The following CIMIP6 variants were observed in gnomAD, a reference collection of about 807,000 sequenced individuals.
CIMIP6 encodes the protein ciliary microtubule inner protein 6.
the CIMIP6 span, among the ~76,000 whole-genome samples, chr2:54,382,268 A>C: frequency 6.6e-6 from 1 of 152,228 alleles, no homozygotes; most frequent in Non-Finnish European, 1.5e-5. Flanking sequence ...AAGAGTAAAT[A>C]TTCAAGAGAA....
the CIMIP6 span, among the ~76,000 whole-genome samples, chr2:54,366,931 C>A: frequency 6.6e-6 from 1 of 152,034 alleles, no homozygotes; most frequent in Non-Finnish European, 1.5e-5. Context: ...TCCAAAACCT[C>A]TGAAGTAGAT....
the CIMIP6 span, chr2:54,360,840 T>G: frequency 2.4e-5 from 6 of 247,522 alleles, no homozygotes; most frequent in Admixed American, 1.6e-4. Flanking sequence ...TATAATACTT[T>G]TAGAAGAGAG....
At chr2:54,364,399 G>A in the CIMIP6 span, among the ~76,000 whole-genome samples, 6 of 152,242 alleles carry the variant, frequency 3.9e-5, no homozygotes, top group African/African-American at 1.4e-4. Context: ...TTTAATGAAG[G>A]TGCTAATGGT....
chr2:54,344,353 A>C, the CIMIP6 span, among the ~76,000 whole-genome samples: 5 of 152,238 alleles, frequency 3.3e-5, no homozygotes, highest in African/African-American at 7.2e-5. Flanking sequence ...GTAGCAAAGC[A>C]ATAAACTCTT....
the CIMIP6 span, chr2:54,343,748 T>G: frequency 6.2e-7 from 1 of 1,609,440 alleles, no homozygotes; most frequent in Admixed American, 1.7e-5. Flanking sequence ...GGTAAAGCAC[T>G]GGAACCTGTC....
chr2:54,337,016 C>A, the CIMIP6 span, among the ~76,000 whole-genome samples: 1 of 152,140 alleles, frequency 6.6e-6, no homozygotes, highest in Non-Finnish European at 1.5e-5. Flanking sequence ...AGATGGGATT[C>A]AAAATATGTC....
At chr2:54,337,159 CTGTG>C in the CIMIP6 span, among the ~76,000 whole-genome samples, 40 of 152,290 alleles carry the variant, frequency 2.6e-4, no homozygotes, top group African/African-American at 9.4e-4. Context: ...CCTCATCTCT[CTGTG>C]TGTTAGGTAT....
At chr2:54,376,627 G>T in the CIMIP6 span, among the ~76,000 whole-genome samples, 2 of 152,158 alleles carry the variant, frequency 1.3e-5, no homozygotes, top group Non-Finnish European at 2.9e-5. Flanking sequence ...AGTCACCCAG[G>T]ATAACGCACT....
the CIMIP6 span, among the ~76,000 whole-genome samples, chr2:54,346,912 C>G: frequency 2.6e-5 from 4 of 152,328 alleles, no homozygotes; most frequent in South Asian, 6.2e-4. Context: ...ATGGCCTACA[C>G]GGCCCTTTTT....
the CIMIP6 span, chr2:54,344,002 A>C: frequency 1.2e-6 from 1 of 836,408 alleles, no homozygotes; most frequent in South Asian, 2.7e-5. Flanking sequence ...ATACACACAC[A>C]GCAAATACAG....
the CIMIP6 span, among the ~76,000 whole-genome samples, chr2:54,368,400 T>G: frequency 2.6e-5 from 4 of 152,264 alleles, no homozygotes; most frequent in Non-Finnish European, 1.5e-5. Context: ...GGAAAAGCCC[T>G]GTCAGATGTC....
chr2:54,346,847 T>C, the CIMIP6 span, among the ~76,000 whole-genome samples: 2 of 152,250 alleles, frequency 1.3e-5, no homozygotes, highest in South Asian at 2.1e-4. Flanking sequence ...TTCTCCTCCT[T>C]TAGATTCTCC....
chr2:54,332,624 G>A, the CIMIP6 span, among the ~76,000 whole-genome samples: 1 of 152,154 alleles, frequency 6.6e-6, no homozygotes, highest in Admixed American at 6.5e-5. Flanking sequence ...GAGATTGCTC[G>A]AGTCATATAT....
chr2:54,355,398 A>C, the CIMIP6 span, among the ~76,000 whole-genome samples: 1 of 152,176 alleles, frequency 6.6e-6, no homozygotes, highest in African/African-American at 2.4e-5. Flanking sequence ...TCCCAGGGTC[A>C]TGCAAGTGCC....
chr2:54,350,919 G>A, the CIMIP6 span, among the ~76,000 whole-genome samples: 1 of 152,166 alleles, frequency 6.6e-6, no homozygotes, highest in East Asian at 1.9e-4. Context: ...GTTATGTCAA[G>A]TCTGCAGGCA....
At chr2:54,369,763 A>G in the CIMIP6 span, among the ~76,000 whole-genome samples, 1 of 152,320 alleles carries the variant, frequency 6.6e-6, no homozygotes, top group South Asian at 2.1e-4. Context: ...TTTTCATCAC[A>G]CCAATCACAC....
chr2:54,338,980 C>G, the CIMIP6 span, among the ~76,000 whole-genome samples: 3 of 70,282 alleles, frequency 4.3e-5, 1 homozygote, highest in South Asian at 1.0e-3. Flanking sequence ...TGAGACCCCC[C>G]CCCATCTCTA....
At chr2:54,368,729 A>G in the CIMIP6 span, among the ~76,000 whole-genome samples, 4 of 152,202 alleles carry the variant, frequency 2.6e-5, no homozygotes, top group Non-Finnish European at 5.9e-5. Context: ...ACAAAGTCCA[A>G]TAAAAACTCT....
At chr2:54,343,804 CA>C in the CIMIP6 span, 1 of 1,612,820 alleles carries the variant, frequency 6.2e-7, no homozygotes, top group South Asian at 1.1e-5. Context: ...GAGTGACTTC[CA>C]AAAACCATCG....
Sources: allele counts gnomAD v4.1 joint callset (sites outside exome capture counted in the v4.1 genomes callset), GRCh38; gene constraint gnomAD v4.1.1; transcripts MANE v1.5; gene names NCBI Gene and HGNC (gene_info 2026-07-23, HGNC 2026-07-21).